FGF7: variants seen among roughly 807,000 people sequenced by gnomAD.
FGF7 encodes FGF-7.
In FGF7, 6 loss-of-function variants were observed where a neutral mutation model predicts 20.5. The ratio of observed to expected loss-of-function variants is 0.29; its 90% confidence interval spans 0.16 to 0.58. FGF7 has a LOEUF of 0.58. Among genes scored for constraint, FGF7 ranks in the 20% least tolerant of loss-of-function variants. The pLI is 0.90. For missense variants in FGF7, 144 were observed against 228.8 expected, an observed-to-expected ratio of 0.63 and a Z score of 2.39; for synonymous variants, 64 against 74.7, an observed-to-expected ratio of 0.86 and a Z score of 0.74.
At chr15:49,449,587 C>T (rs1192139701) in intron 2 of FGF7, among the ~76,000 whole-genome samples, 2 of 152,010 alleles carry the variant, frequency 1.3e-5, no homozygotes, top group Non-Finnish European at 1.5e-5. Context: ...CCTTATACTT[C>T]TATTAAGGCA....
chr15:49,424,772 C>T (rs2049983013), intron 2 of FGF7, 189 bp downstream of exon 2: 1 of 446,312 alleles, frequency 2.2e-6, no homozygotes, highest in Non-Finnish European at 3.9e-6. Flanking sequence ...GGCAAATCTA[C>T]TTACATTATA....
intron 2 of FGF7, among the ~76,000 whole-genome samples, chr15:49,458,451 G>T (rs2053513581): frequency 6.6e-6 from 1 of 151,884 alleles, no homozygotes; most frequent in South Asian, 2.1e-4. Context: ...GTTTTATTTG[G>T]ATTATTTTTC....
In FGF7 at chr15:49,485,931, G is replaced by A. The variant is rs2056368675; in HGVS notation, c.*1427G>A. On this transcript the variant is annotated 3_prime_UTR_variant, in exon 4 of 4. Coordinates refer to ENST00000267843, the MANE Select transcript of FGF7 (RefSeq NM_002009.4). The stretch of plus-strand genomic sequence containing the variant: ...TCCTGTTAGATGGCAAGAGCACAAT[G>A]CCCAAAATAGAAGATGCAGTTAAGA... 1 of 151,976 alleles carries A rather than the reference G, an allele frequency of 6.6e-6. No homozygotes were observed. The highest frequency in any genetic ancestry group is 1.5e-5 in the Non-Finnish European group (1 of 67,950). 9.4% of individuals were successfully genotyped at this position (151,976 alleles called of 1,614,324 possible).
chr15:49,439,663 C>T (rs1214065980), intron 2 of FGF7, among the ~76,000 whole-genome samples: 1 of 151,704 alleles, frequency 6.6e-6, no homozygotes, highest in African/African-American at 2.4e-5. Flanking sequence ...GATAGCTTTC[C>T]TTATTGGAAC....
chr15:49,450,000 T>G (rs1365746617), intron 2 of FGF7, among the ~76,000 whole-genome samples: 1 of 152,114 alleles, frequency 6.6e-6, no homozygotes, highest in Non-Finnish European at 1.5e-5. Context: ...TGATGCGCCA[T>G]TCATACAAAT....
intron 2 of FGF7, among the ~76,000 whole-genome samples, chr15:49,475,977 C>T (rs902885755): frequency 6.6e-6 from 1 of 152,154 alleles, no homozygotes; most frequent in African/African-American, 2.4e-5. Flanking sequence ...TATTTTGTTA[C>T]ACTTCCTATT....
At chr15:49,426,382 G>T (rs1053197142) in intron 2 of FGF7, among the ~76,000 whole-genome samples, 2 of 151,834 alleles carry the variant, frequency 1.3e-5, no homozygotes, top group African/African-American at 4.8e-5. Context: ...TAGCAATAAG[G>T]TTACCAAACC....
intron 2 of FGF7, among the ~76,000 whole-genome samples, chr15:49,455,749 A>T (rs1423875390): frequency 3.9e-5 from 6 of 152,184 alleles, no homozygotes; most frequent in Non-Finnish European, 8.8e-5. Flanking sequence ...AGTGGAGAAA[A>T]CAAAACGTGC....
chr15:49,447,846 G>C (rs912972250), intron 2 of FGF7, among the ~76,000 whole-genome samples: 3 of 151,674 alleles, frequency 2.0e-5, no homozygotes, highest in Admixed American at 6.6e-5. Flanking sequence ...CACAGAACGA[G>C]AATGAATTGA....
At chr15:49,461,998 C>G (rs552946919) in intron 2 of FGF7, among the ~76,000 whole-genome samples, 9 of 152,076 alleles carry the variant, frequency 5.9e-5, no homozygotes, top group Non-Finnish European at 1.0e-4. Context: ...GGCAAAATCC[C>G]ATCTCTACTA....
intron 2 of FGF7, among the ~76,000 whole-genome samples, chr15:49,473,360 T>C (rs972144439): frequency 6.6e-6 from 1 of 152,154 alleles, no homozygotes; most frequent in Non-Finnish European, 1.5e-5. Context: ...ATAAAGAACA[T>C]TGAGTTAAAT....
chr15:49,443,185 C>A (rs1252938638), intron 2 of FGF7, among the ~76,000 whole-genome samples: 1 of 151,400 alleles, frequency 6.6e-6, no homozygotes, highest in African/African-American at 2.4e-5. Context: ...TAAATACAGC[C>A]ATTATTAAAC....
At chr15:49,438,502 A>G (rs959794176) in intron 2 of FGF7, among the ~76,000 whole-genome samples, 4 of 151,730 alleles carry the variant, frequency 2.6e-5, no homozygotes, top group African/African-American at 7.2e-5. Flanking sequence ...AAAATTCACC[A>G]AAGAGTTATC....
At chr15:49,442,833 C>T (rs186964967) in intron 2 of FGF7, among the ~76,000 whole-genome samples, 3 of 151,814 alleles carry the variant, frequency 2.0e-5, no homozygotes, top group African/African-American at 4.8e-5. Flanking sequence ...CACACGACAC[C>T]TATATACCTA....
rs1386992777 is a variant in FGF7, at chr15:49,486,950, C to T, written c.*2446C>T. On this transcript the variant is annotated 3_prime_UTR_variant, in exon 4 of 4. Coordinates refer to ENST00000267843, the MANE Select transcript of FGF7 (RefSeq NM_002009.4). ...TGAGATTTTGATACACCTAAGGTCA[C>T]GCAGCTGGGTAGATATACAGCTGTC... 2 of 151,916 alleles carry T rather than the reference C, an allele frequency of 1.3e-5. No individual in the cohort carries two copies. Among genetic ancestry groups the T allele is most frequent in the African/African-American group, 4.8e-5 (2 of 41,412 alleles). The allele number at this position is 151,916 out of a possible 1,614,324, so 9.4% of individuals were successfully genotyped here. A position where few individuals can be genotyped will look rare whatever the true frequency, so the allele number is the denominator to read the frequency against.
intron 2 of FGF7, among the ~76,000 whole-genome samples, chr15:49,440,939 A>G (rs1023452739): frequency 6.6e-6 from 1 of 151,796 alleles, no homozygotes; most frequent in Non-Finnish European, 1.5e-5. Context: ...TTTAGATGGA[A>G]AAAACTGTAA....
At chr15:49,478,288 GTGTA>G (rs2055553597) in intron 2 of FGF7, among the ~76,000 whole-genome samples, 4 of 151,612 alleles carry the variant, frequency 2.6e-5, no homozygotes, top group African/African-American at 9.7e-5. Flanking sequence ...TTTGCCCTTT[GTGTA>G]TCTTTAGTGA....
intron 2 of FGF7, among the ~76,000 whole-genome samples, chr15:49,460,408 G>A (rs1172454546): frequency 6.6e-6 from 1 of 152,168 alleles, no homozygotes; most frequent in Non-Finnish European, 1.5e-5. Flanking sequence ...TGTGTAGTGG[G>A]TGTCCATATA....
At chr15:49,431,800 T>C (rs951484543) in intron 2 of FGF7, among the ~76,000 whole-genome samples, 1 of 151,708 alleles carries the variant, frequency 6.6e-6, no homozygotes, top group African/African-American at 2.4e-5. Flanking sequence ...AAGTTTCTCA[T>C]AAAATATAGC....
Sources: allele counts gnomAD v4.1 joint callset (sites outside exome capture counted in the v4.1 genomes callset), GRCh38; gene constraint gnomAD v4.1.1; transcripts MANE v1.5; gene names NCBI Gene and HGNC (gene_info 2026-07-23, HGNC 2026-07-21).